SDK1: variants seen among roughly 807,000 people sequenced by gnomAD.
SDK1 encodes the protein sidekick cell adhesion molecule 1, also known as protein sidekick-1.
A neutral mutation model predicts 245.5 loss-of-function variants in SDK1; 157 were observed. That is an observed-to-expected ratio of 0.64 (90% confidence interval 0.56 to 0.73). The LOEUF (loss-of-function observed/expected upper bound fraction) is 0.73. Ranked by LOEUF, SDK1 falls within the 30% of genes least tolerant of loss-of-function variation. The pLI is 0.00. For missense variants in SDK1, 3,583 were observed against 3,002.3 expected (o/e 1.19, Z -4.52); for synonymous variants, 1,647 against 1,278.5 (o/e 1.29, Z -6.15).
At chr7:3,530,668 A>G (rs1783313601) in intron 1 of SDK1, among the ~76,000 whole-genome samples, 1 of 152,242 alleles carries the variant, frequency 6.6e-6, no homozygotes, top group Non-Finnish European at 1.5e-5. Context: ...ATGTATTAAT[A>G]TTTCAGAATT....
chr7:3,695,952 C>T (rs950297136), intron 4 of SDK1, among the ~76,000 whole-genome samples: 8 of 152,300 alleles, frequency 5.3e-5, no homozygotes, highest in African/African-American at 1.4e-4. Context: ...TTTGGAGTTG[C>T]TGACGCTCAT....
chr7:3,491,576 T>C (rs1422796191), intron 1 of SDK1, among the ~76,000 whole-genome samples: 3 of 152,244 alleles, frequency 2.0e-5, no homozygotes, highest in African/African-American at 7.2e-5. Context: ...AGAAATTACC[T>C]ATTTTGCCTG....
chr7:4,073,690 G>A (rs951149492), intron 20 of SDK1, among the ~76,000 whole-genome samples: 1 of 152,160 alleles, frequency 6.6e-6, no homozygotes, highest in Non-Finnish European at 1.5e-5. Context: ...CCAAGGTCAG[G>A]GATGTCTCAG....
At chr7:3,346,902 C>T (rs1318722224) in intron 1 of SDK1, among the ~76,000 whole-genome samples, 1 of 133,500 alleles carries the variant, frequency 7.5e-6, no homozygotes, top group Non-Finnish European at 1.5e-5. Flanking sequence ...AACTCCTGGG[C>T]TCAAGTGATC....
At chr7:3,668,813 A>G (rs779865586) in intron 4 of SDK1, among the ~76,000 whole-genome samples, 4 of 152,156 alleles carry the variant, frequency 2.6e-5, no homozygotes, top group Non-Finnish European at 5.9e-5. Context: ...ACAAAATACT[A>G]TATTGCCTTT....
At chr7:3,995,294 C>G (rs1244773736) in intron 14 of SDK1, among the ~76,000 whole-genome samples, 1 of 152,200 alleles carries the variant, frequency 6.6e-6, no homozygotes, top group African/African-American at 2.4e-5. Context: ...CTGATCAGCT[C>G]TTACTCAGCA....
At chr7:4,219,127 A>C (rs1224940615) in intron 38 of SDK1, among the ~76,000 whole-genome samples, 1 of 152,190 alleles carries the variant, frequency 6.6e-6, no homozygotes, top group East Asian at 1.9e-4. Context: ...CTCTGAATCG[A>C]GGCATCAATA....
chr7:3,600,423 T>C (rs992002545), intron 1 of SDK1, among the ~76,000 whole-genome samples: 1 of 152,186 alleles, frequency 6.6e-6, no homozygotes, highest in Non-Finnish European at 1.5e-5. Context: ...TATTTATTTT[T>C]ATTCAGTGGC....
intron 44 of SDK1, among the ~76,000 whole-genome samples, chr7:4,255,892 C>T (rs1787590125): frequency 6.6e-6 from 1 of 150,440 alleles, no homozygotes; most frequent in South Asian, 2.1e-4. Flanking sequence ...TTGCTATCTA[C>T]TCTGAGCACC....
intron 1 of SDK1, among the ~76,000 whole-genome samples, chr7:3,519,831 T>TA (rs1242437515): frequency 3.3e-5 from 5 of 152,138 alleles, no homozygotes; most frequent in Non-Finnish European, 7.4e-5. Flanking sequence ...GCTAAACTTA[T>TA]AAGAAGTATA....
intron 40 of SDK1, among the ~76,000 whole-genome samples, chr7:4,225,872 G>C (rs1265826181): frequency 6.6e-6 from 1 of 152,016 alleles, no homozygotes; most frequent in Admixed American, 6.6e-5. Flanking sequence ...AATTCTGCTT[G>C]GCTGCTCAAC....
intron 1 of SDK1, among the ~76,000 whole-genome samples, chr7:3,469,642 A>G (rs1781121921): frequency 6.6e-6 from 1 of 152,156 alleles, no homozygotes; most frequent in Admixed American, 6.5e-5. Flanking sequence ...ACCTTTGTAA[A>G]GACTTTGTAT....
At chr7:3,796,052 A>G (rs749818772) in intron 4 of SDK1, among the ~76,000 whole-genome samples, 18 of 152,182 alleles carry the variant, frequency 1.2e-4, no homozygotes, top group Admixed American at 3.3e-4. Context: ...GAGTTCGACA[A>G]TTCTGTGTAG....
chr7:3,510,500 G>A (rs1245368664), intron 1 of SDK1, among the ~76,000 whole-genome samples: 1 of 152,158 alleles, frequency 6.6e-6, no homozygotes, highest in Non-Finnish European at 1.5e-5. Context: ...TTTATTTAAT[G>A]TTTGTACATG....
chr7:3,826,422 G>A (rs556144426), intron 5 of SDK1, among the ~76,000 whole-genome samples: 1 of 152,254 alleles, frequency 6.6e-6, no homozygotes, highest in East Asian at 1.9e-4. Context: ...TATGACATCT[G>A]GTTACAGATA....
chr7:3,932,052 T>A (rs369423175), intron 5 of SDK1, among the ~76,000 whole-genome samples: 2 of 152,220 alleles, frequency 1.3e-5, no homozygotes, highest in African/African-American at 4.8e-5. Flanking sequence ...TGAGTAATCA[T>A]TGACCTGCCA....
rs905870499 is a variant in SDK1, at chr7:3,301,921, C to T, written c.298+37C>T. 22 of 1,127,792 alleles carry T rather than the reference C, an allele frequency of 2.0e-5. No homozygotes were observed. The African/African-American group carries it at 2.3e-4, about 12-fold the overall frequency. 69.9% of individuals were successfully genotyped at this position (1,127,792 alleles called of 1,614,324 possible). On this transcript the variant is annotated intron_variant, in intron 1 of 44. Coordinates refer to ENST00000404826, the MANE Select transcript of SDK1 (RefSeq NM_152744.4). ...CGGGGTCGCGGGCCGGGGGCGTCGC[C>T]TCGGGGCGCGGAGGCGCGAACTTGA...
intron 1 of SDK1, among the ~76,000 whole-genome samples, chr7:3,463,746 G>C (rs559507212): frequency 1.3e-5 from 2 of 152,206 alleles, no homozygotes; most frequent in Non-Finnish European, 2.9e-5. Flanking sequence ...CTCACTCCTT[G>C]AATGCTGGTC....
intron 4 of SDK1, among the ~76,000 whole-genome samples, chr7:3,734,127 G>A (rs772031819): frequency 2.0e-5 from 3 of 152,170 alleles, no homozygotes; most frequent in Non-Finnish European, 4.4e-5. Flanking sequence ...CTTCTTCATG[G>A]CAGGTAATTG....
Sources: allele counts gnomAD v4.1 joint callset (sites outside exome capture counted in the v4.1 genomes callset), GRCh38; gene constraint gnomAD v4.1.1; transcripts MANE v1.5; gene names NCBI Gene and HGNC (gene_info 2026-07-23, HGNC 2026-07-21).